The following PPARGC1A variants were observed in gnomAD, a reference collection of about 807,000 sequenced individuals.
PPARGC1A encodes peroxisome proliferator-activated receptor gamma coactivator 1-alpha.
Under a neutral mutation model 88.7 loss-of-function variants are expected in PPARGC1A, and 25 were observed. The ratio of observed to expected loss-of-function variants is 0.28; its 90% confidence interval spans 0.21 to 0.39. The LOEUF (loss-of-function observed/expected upper bound fraction) is 0.39, where lower values mean the gene tolerates loss of function less well. Among genes scored for constraint, PPARGC1A ranks in the 10% least tolerant of loss-of-function variants. The pLI is 1.00. For synonymous variants in PPARGC1A, 363 were observed against 355.6 expected (o/e 1.02, Z -0.24); for missense variants, 880 against 968.7 (o/e 0.91, Z 1.22).
At chr4:23,983,734 G>A in the PPARGC1A span, among the ~76,000 whole-genome samples, 1 of 151,932 alleles carries the variant, frequency 6.6e-6, no homozygotes, top group Non-Finnish European at 1.5e-5. Context: ...GGGAGGAAGG[G>A]ATCCTTCAAT....
chr4:24,310,835 A>G, the PPARGC1A span, among the ~76,000 whole-genome samples: 1 of 152,206 alleles, frequency 6.6e-6, no homozygotes, highest in South Asian at 2.1e-4. Flanking sequence ...AGTGTGACCT[A>G]GTATTAAGAG....
intron 2 of PPARGC1A, among the ~76,000 whole-genome samples, chr4:23,842,628 C>T (rs1727261058): frequency 6.6e-6 from 1 of 152,042 alleles, no homozygotes; most frequent in Non-Finnish European, 1.5e-5. Context: ...AACAGCATCC[C>T]TGGCCTCTAC....
the PPARGC1A span, among the ~76,000 whole-genome samples, chr4:24,207,683 G>A: frequency 2.1e-3 from 324 of 152,156 alleles, no homozygotes; most frequent in African/African-American, 7.0e-3. Flanking sequence ...ATTTACTGAC[G>A]TTTTTGATGT....
At chr4:24,450,828 C>T in the PPARGC1A span, among the ~76,000 whole-genome samples, 1 of 152,140 alleles carries the variant, frequency 6.6e-6, no homozygotes, top group African/African-American at 2.4e-5. Flanking sequence ...AAATTCCTGC[C>T]TTTATACATG....
chr4:23,880,209 A>T (rs1461126855), intron 2 of PPARGC1A, among the ~76,000 whole-genome samples: 1 of 152,346 alleles, frequency 6.6e-6, no homozygotes, highest in African/African-American at 2.4e-5. Flanking sequence ...AAACATATGC[A>T]TATACTTGTA....
the PPARGC1A span, among the ~76,000 whole-genome samples, chr4:24,364,289 C>A: frequency 6.6e-6 from 1 of 152,144 alleles, no homozygotes; most frequent in Non-Finnish European, 1.5e-5. Context: ...ATTATGCCGA[C>A]CCTTTTCTCT....
the PPARGC1A span, among the ~76,000 whole-genome samples, chr4:23,989,556 G>A: frequency 1.3e-3 from 205 of 152,088 alleles, 2 homozygotes; most frequent in African/African-American, 4.8e-3. Context: ...AGAAACCAAA[G>A]TGTAGAAGAA....
the PPARGC1A span, among the ~76,000 whole-genome samples, chr4:24,398,188 G>A: frequency 6.6e-3 from 995 of 151,902 alleles, 9 homozygotes; most frequent in Non-Finnish European, 0.011. Context: ...TTATTATATA[G>A]AAAAAAAGAT....
At chr4:23,798,909 T>C (rs985316939) in intron 12 of PPARGC1A, among the ~76,000 whole-genome samples, 6 of 152,234 alleles carry the variant, frequency 3.9e-5, no homozygotes, top group African/African-American at 1.4e-4. Flanking sequence ...GAAATCGTTA[T>C]GTTTTGCTCT....
the PPARGC1A span, among the ~76,000 whole-genome samples, chr4:23,925,801 CTAGA>C: frequency 1.3e-5 from 2 of 151,970 alleles, no homozygotes; most frequent in East Asian, 1.9e-4. Context: ...CAGTTTAGCA[CTAGA>C]TAGTTACTTG....
chr4:23,866,531 A>G (rs950541053), intron 2 of PPARGC1A, among the ~76,000 whole-genome samples: 1 of 152,190 alleles, frequency 6.6e-6, no homozygotes. Context: ...TTTTCCCCGC[A>G]AATGGTTTGT....
the PPARGC1A span, among the ~76,000 whole-genome samples, chr4:24,408,123 C>T: frequency 6.6e-6 from 1 of 152,092 alleles, no homozygotes; most frequent in Non-Finnish European, 1.5e-5. Flanking sequence ...CTTGAGTGAG[C>T]TTCTGGACCC....
the PPARGC1A span, among the ~76,000 whole-genome samples, chr4:24,429,542 G>T: frequency 6.6e-6 from 1 of 152,028 alleles, no homozygotes; most frequent in Non-Finnish European, 1.5e-5. Context: ...GGACATTGAA[G>T]CTAGGACATG....
intron 2 of PPARGC1A, among the ~76,000 whole-genome samples, chr4:23,840,228 A>C (rs937052683): frequency 4.6e-5 from 7 of 152,010 alleles, no homozygotes; most frequent in African/African-American, 1.7e-4. Context: ...TGAGAGGGAG[A>C]GCGGATAGTG....
chr4:24,303,879 C>T, the PPARGC1A span, among the ~76,000 whole-genome samples: 3 of 152,166 alleles, frequency 2.0e-5, no homozygotes, highest in Non-Finnish European at 4.4e-5. Flanking sequence ...CTGTATTGCT[C>T]AAATGCTATC....
At chr4:23,844,958 G>A (rs1431077714) in intron 2 of PPARGC1A, among the ~76,000 whole-genome samples, 1 of 148,934 alleles carries the variant, frequency 6.7e-6, no homozygotes, top group Non-Finnish European at 1.5e-5. Context: ...AGAAAGAAAT[G>A]TTCTAGACAG....
At chr4:24,105,239 C>T in the PPARGC1A span, among the ~76,000 whole-genome samples, 3 of 152,284 alleles carry the variant, frequency 2.0e-5, no homozygotes, top group Admixed American at 6.5e-5. Flanking sequence ...GTTTATCCCA[C>T]GTTACAGAGG....
At chr4:24,417,868 C>A in the PPARGC1A span, among the ~76,000 whole-genome samples, 1 of 151,858 alleles carries the variant, frequency 6.6e-6, no homozygotes, top group South Asian at 2.1e-4. Flanking sequence ...TCATCTGTAC[C>A]TTCTAATTTT....
At chr4:24,451,411 T>A in the PPARGC1A span, among the ~76,000 whole-genome samples, 1 of 152,226 alleles carries the variant, frequency 6.6e-6, no homozygotes, top group Admixed American at 6.5e-5. Flanking sequence ...GCACTTTCAA[T>A]GAGAGTCTCT....
Sources: gnomAD v4.1 joint callset for allele counts (sites outside exome capture counted in the v4.1 genomes callset) on GRCh38, gnomAD v4.1.1 for gene constraint, MANE v1.5 for transcripts, NCBI Gene and HGNC (gene_info 2026-07-23, HGNC 2026-07-21) for gene names.